TPGS2: variants seen among roughly 807,000 people sequenced by gnomAD.
TPGS2 encodes the protein polyglutamylase subunit 2.
In TPGS2, 26 loss-of-function variants were observed where a neutral mutation model predicts 31.1. The observed-to-expected ratio is 0.84, with a 90% CI of 0.61 to 1.16. TPGS2 has a LOEUF of 1.16. TPGS2 is among the 50% of genes most tolerant of loss of function. TPGS2 has a pLI of 0.00. For missense variants in TPGS2, 351 were observed against 363.8 expected (o/e 0.96, Z 0.29); for synonymous variants, 130 against 136.6 (o/e 0.95, Z 0.34).
At position 36,795,930 on chromosome 18, in the gene TPGS2, T is replaced by C. The variant is rs2044506442; in HGVS notation, c.*875A>G. On this transcript the variant is annotated 3_prime_UTR_variant, in exon 7 of 7. Transcript: ENST00000334295. ...TATGAAGAGTTGTGCAAAACAATGT[T>C]TGGGAATTTTTTGTTTTTAAATGGT... 1.0e-6 allele frequency: 1 copy of C among 985,160 alleles called. No homozygotes were observed. Among genetic ancestry groups the C allele is most frequent in the African/African-American group, 1.7e-5 (1 of 57,194 alleles). The allele number at this position is 985,160 out of a possible 1,614,324, so 61.0% of individuals were successfully genotyped here.
At chr18:36,822,273 A>G (rs185878405) in intron 1 of TPGS2, among the ~76,000 whole-genome samples, 2 of 152,238 alleles carry the variant, frequency 1.3e-5, no homozygotes, top group African/African-American at 4.8e-5. Flanking sequence ...TTAAGGAAGA[A>G]GTGTATTCTA....
Position 36,798,512 on chromosome 18 carries a change from G to A in TPGS2, c.594C>T (p.Thr198=). 6.2e-7 allele frequency: 1 copy of A among 1,614,230 alleles called. No homozygotes were observed. The highest frequency in any genetic ancestry group is 8.5e-7 in the Non-Finnish European group (1 of 1,180,044). The part of the protein sequence containing the change: ...TFTAYYRLLI[T]HLGLPQWQYA... The stretch of plus-strand genomic sequence containing the variant: ...ATTGCCACTGGGGCAGGCCCAGGTG[G>A]GTGATGAGCAGGCGGTAATAGGCAG... Residue 198 remains threonine (T), a synonymous_variant, in exon 6 of 7, where the codon ACC becomes ACT. Transcript: ENST00000334295.
In TPGS2 at chr18:36,795,926, ATGTT is replaced by A. The variant is rs1029225464; in HGVS notation, c.*875_*878del. On this transcript the variant is annotated 3_prime_UTR_variant, in exon 7 of 7. Transcript: ENST00000334295. ...TCTTTATGAAGAGTTGTGCAAAACA[ATGTT>A]TGGGAATTTTTTGTTTTTAAATGGT... 81 of 985,352 alleles carry A rather than the reference ATGTT, an allele frequency of 8.2e-5. No homozygotes were observed. Among genetic ancestry groups the A allele is most frequent in the African/African-American group, 3.0e-4 (17 of 57,246 alleles). The allele number at this position is 985,352 out of a possible 1,614,324, so 61.0% of individuals were successfully genotyped here. A position where few individuals can be genotyped will look rare whatever the true frequency, so the allele number is the denominator to read the frequency against.
chr18:36,799,377 C>A (rs2044691273), intron 5 of TPGS2, among the ~76,000 whole-genome samples: 1 of 152,184 alleles, frequency 6.6e-6, no homozygotes, highest in Non-Finnish European at 1.5e-5. Context: ...CTAGCTTAAT[C>A]TCCTCCTCAC....
intron 2 of TPGS2, among the ~76,000 whole-genome samples, chr18:36,811,704 T>C (rs1196996956): frequency 6.6e-6 from 1 of 152,062 alleles, no homozygotes; most frequent in Non-Finnish European, 1.5e-5. Context: ...GAAAAGAAGT[T>C]AGGCAACCTT....
At chr18:36,825,533 C>G (rs779442408) in intron 1 of TPGS2, among the ~76,000 whole-genome samples, 2 of 151,738 alleles carry the variant, frequency 1.3e-5, no homozygotes, top group Admixed American at 1.3e-4. Context: ...TTTTATGCCA[C>G]TACCACTCTG....
At chr18:36,809,520 A>C (rs1382986504) in intron 2 of TPGS2, among the ~76,000 whole-genome samples, 3 of 152,106 alleles carry the variant, frequency 2.0e-5, no homozygotes, top group African/African-American at 7.2e-5. Flanking sequence ...AGAGACTCAG[A>C]CTCCTTGGAC....
chr18:36,814,504 A>C (rs1251672613), intron 2 of TPGS2, among the ~76,000 whole-genome samples: 1 of 152,162 alleles, frequency 6.6e-6, no homozygotes, highest in Non-Finnish European at 1.5e-5. Context: ...CTGGATTTGC[A>C]GTATAGAATC....
intron 1 of TPGS2, among the ~76,000 whole-genome samples, chr18:36,820,035 C>T (rs1311737694): frequency 6.6e-6 from 1 of 152,184 alleles, no homozygotes; most frequent in Non-Finnish European, 1.5e-5. Context: ...TTATGTGGTT[C>T]ACTGATCCTA....
chr18:36,785,531 T>G (rs1013054699), intron 6 of TPGS2, among the ~76,000 whole-genome samples: 89 of 152,336 alleles, frequency 5.8e-4, no homozygotes, highest in African/African-American at 2.1e-3. Context: ...TTATTTGGAT[T>G]GCTGATACTT....
intron 1 of TPGS2, among the ~76,000 whole-genome samples, chr18:36,824,842 T>A (rs1352966348): frequency 6.6e-6 from 1 of 152,196 alleles, no homozygotes; most frequent in Non-Finnish European, 1.5e-5. Flanking sequence ...AGCACAAACA[T>A]TTTAAATTTT....
intron 2 of TPGS2, among the ~76,000 whole-genome samples, chr18:36,809,989 C>T (rs1479754857): frequency 2.6e-5 from 4 of 152,038 alleles, no homozygotes; most frequent in Admixed American, 2.0e-4. Flanking sequence ...AAAATTCATA[C>T]AAATAGAAAA....
At chr18:36,823,999 T>G in intron 1 of TPGS2, 1 of 448,704 alleles carries the variant, frequency 2.2e-6, no homozygotes, top group Non-Finnish European at 2.9e-6. Flanking sequence ...TATGCATCCT[T>G]TCCCCCAAAA....
intron 2 of TPGS2, among the ~76,000 whole-genome samples, chr18:36,808,769 C>T (rs768690359): frequency 5.3e-5 from 8 of 150,666 alleles, no homozygotes; most frequent in African/African-American, 9.7e-5. Flanking sequence ...TCATCCAAAC[C>T]GTTGCTGGAG....
rs761579570 is a variant in TPGS2, at chr18:36,822,068, TGTA to T, written c.86-3098_86-3096del. Among the ~76,000 whole-genome samples the T allele has an allele frequency of 2.6e-5, 4 of 152,266 alleles. No homozygotes were observed. The East Asian group carries it at 7.7e-4, about 29-fold the overall frequency. The stretch of plus-strand genomic sequence containing the variant: ...GTTTTGGTCTCAGAGGGCTGGAAGT[TGTA>T]GTGGTGGCGGCAGCAGCAAAAGCAG... On this transcript the variant is annotated intron_variant, in intron 1 of 6. Coordinates refer to ENST00000334295, the MANE Select transcript of TPGS2 (RefSeq NM_015476.4).
chr18:36,810,235 G>C lies in TPGS2; in HGVS notation c.166-2301C>G, dbSNP rs1014480195. ...TACTGCATGTAGCTCTTCTGAGTGG[G>C]GCAAATCCAGGAAGAAAGGTTCACA... On this transcript the variant is annotated intron_variant, in intron 2 of 6. Coordinates refer to ENST00000334295, the MANE Select transcript of TPGS2 (RefSeq NM_015476.4). 2.0e-5 allele frequency among the ~76,000 whole-genome samples: 3 copies of C among 152,106 alleles called. No homozygotes were observed. The East Asian group carries it at 5.8e-4, about 29-fold the overall frequency.
chr18:36,796,885 C>G lies in TPGS2; in HGVS notation c.823G>C (p.Gly275Arg), dbSNP rs766639937. 3.1e-6 allele frequency: 5 copies of G among 1,611,540 alleles called. No individual in the cohort carries two copies. In the South Asian group the frequency reaches 4.4e-5, roughly 14 times the overall value. ...GAGGGACCGGAGGGTCCTGAGGGCC[C>G]TTTCTGGCCACCTGCAGGCTGCACA... ...GPVQPAGGQK[G>R]PSGPSGPSTS... The change falls in exon 7 of 7, where the codon GGG becomes CGG. Residue 275 changes from glycine to arginine, a missense_variant. By Grantham distance (125) the Gly-to-Arg change is moderately radical (BLOSUM62 -2). Transcript: ENST00000334295.
At chr18:36,814,991 C>A (rs758554992) in intron 2 of TPGS2, among the ~76,000 whole-genome samples, 9 of 152,194 alleles carry the variant, frequency 5.9e-5, no homozygotes, top group Non-Finnish European at 1.3e-4. Context: ...GCAAATATAG[C>A]CCAAAAGGGC....
chr18:36,795,809 C>A lies in TPGS2; in HGVS notation c.*996G>T, dbSNP rs2044500583. On this transcript the variant is annotated 3_prime_UTR_variant, in exon 7 of 7. Coordinates refer to ENST00000334295, the MANE Select transcript of TPGS2 (RefSeq NM_015476.4). ...GTCCTAAGGATGGCCAGGGACCAGG[C>A]AAAGTGAGGCTGGACAACTCAGAGC... is the stretch of plus-strand genomic sequence containing the variant. 1.5e-5 allele frequency: 15 copies of A among 985,430 alleles called. No individual in the cohort carries two copies. The highest frequency in any genetic ancestry group is 1.7e-5 in the Non-Finnish European group (14 of 829,952). The allele number at this position is 985,430 out of a possible 1,614,324, so 61.0% of individuals were successfully genotyped here. A position where few individuals can be genotyped will look rare whatever the true frequency, so the allele number is the denominator to read the frequency against.
Sources: gnomAD v4.1 joint callset for allele counts (sites outside exome capture counted in the v4.1 genomes callset) on GRCh38, gnomAD v4.1.1 for gene constraint, MANE v1.5 for transcripts, NCBI Gene and HGNC (gene_info 2026-07-23, HGNC 2026-07-21) for gene names.